Variants in NMT2 observed in about 807,000 individuals in gnomAD.
NMT2 encodes N-myristoyltransferase 2, also known as glycylpeptide N-tetradecanoyltransferase 2.
NMT2 carries 35 observed loss-of-function variants against 65.4 expected under a neutral mutation model. That is an observed-to-expected ratio of 0.54 (90% CI 0.41 to 0.71). NMT2 has a LOEUF of 0.71. NMT2 is among the 30% of genes least tolerant of loss of function. The probability of loss-of-function intolerance (pLI) is 0.00; values close to 1 mark genes in which losing one functional copy is unlikely to be tolerated. For synonymous variants in NMT2, 226 were observed against 231.8 expected (o/e 0.98, Z 0.23); for missense variants, 489 against 611.3 (o/e 0.80, Z 2.11).
Position 15,107,484 on chromosome 10 carries a change from G to A in NMT2, c.*1711C>T, listed in dbSNP as rs1279427476. 1 of 976,902 alleles carries A rather than the reference G, an allele frequency of 1.0e-6. No homozygotes were observed. 60.5% of individuals were successfully genotyped at this position (976,902 alleles called of 1,614,324 possible). On this transcript the variant is annotated 3_prime_UTR_variant, in exon 12 of 12. Transcript: ENST00000378165. ...CTTTTGTTTTTTGAGACGGAGTCTT[G>A]CACTGTCACCCAGGCTGGAGTGCAG...
chr10:15,138,709 A>G (rs903777754), intron 2 of NMT2, among the ~76,000 whole-genome samples: 3 of 152,352 alleles, frequency 2.0e-5, no homozygotes, highest in Non-Finnish European at 4.4e-5. Flanking sequence ...TGTAGACCAG[A>G]ATATTCTGCA....
chr10:15,149,239 C>T (rs528984205), intron 1 of NMT2, among the ~76,000 whole-genome samples: 38 of 142,844 alleles, frequency 2.7e-4, no homozygotes, highest in African/African-American at 8.8e-4. Flanking sequence ...ACCATCATTG[C>T]CACTGTCATC....
At chr10:15,161,097 A>AAAAAAAAAAAAAAAAC in intron 1 of NMT2, among the ~76,000 whole-genome samples, 1 of 149,596 alleles carries the variant, frequency 6.7e-6, no homozygotes, top group South Asian at 2.1e-4. Context: ...AAAAAAAAAA[A>AAAAAAAAAAAAAAAAC]AAAAAAAAAA....
At chr10:15,111,186 A>G (rs888075950) in intron 10 of NMT2, among the ~76,000 whole-genome samples, 4 of 152,106 alleles carry the variant, frequency 2.6e-5, no homozygotes, top group African/African-American at 4.8e-5. Context: ...GGCTGAAGCT[A>G]TTGCCCAGGG....
chr10:15,109,570 CA>C, intron 11 of NMT2, 131 bp downstream of exon 11: 2 of 749,732 alleles, frequency 2.7e-6, no homozygotes, highest in Non-Finnish European at 3.8e-6. Context: ...GACTTCATCT[CA>C]AAAAAATAAA....
chr10:15,130,318 A>G lies in NMT2; in HGVS notation c.720-6T>C, dbSNP rs1211853474. ...TTTCTACCATCTTCTTCACACTAAG[A>G]AATAAAGATGGTGAAGATTAAGAGT... On this transcript the variant is annotated splice_region_variant and splice_polypyrimidine_tract_variant and intron_variant, in intron 6 of 11. Coordinates refer to ENST00000378165, the MANE Select transcript of NMT2 (RefSeq NM_004808.3). 3 of 1,553,424 alleles carry G rather than the reference A, an allele frequency of 1.9e-6. No homozygotes were observed. In the African/African-American group the frequency reaches 4.1e-5, roughly 21 times the overall value.
At chr10:15,135,192 TTTG>T (rs574625256) in intron 3 of NMT2, 79 bp downstream of exon 3, 17,486 of 1,161,486 alleles carry the variant, frequency 0.015, 7 homozygotes, top group East Asian at 0.02. Flanking sequence ...CTCTTTGTGT[TTTG>T]TTGTTGTTGT....
At chr10:15,127,580 A>AAAAAAAAAAAT (rs1564568485) in intron 8 of NMT2, among the ~76,000 whole-genome samples, 1 of 71,496 alleles carries the variant, frequency 1.4e-5, no homozygotes, top group East Asian at 2.8e-4. Flanking sequence ...ATAAATAAAT[A>AAAAAAAAAAAT]AATAAATAAA....
chr10:15,141,156 G>C, intron 2 of NMT2: 2 of 915,690 alleles, frequency 2.2e-6, no homozygotes. Context: ...CTTTCTTCTA[G>C]AACGACAATC....
At chr10:15,159,674 C>T (rs1033200984) in intron 1 of NMT2, among the ~76,000 whole-genome samples, 1 of 152,126 alleles carries the variant, frequency 6.6e-6, no homozygotes, top group Non-Finnish European at 1.5e-5. Flanking sequence ...GTGATCCACC[C>T]GCCTCGGCCT....
rs1406833062 is a variant in NMT2, at chr10:15,109,131, G to T, written c.*64C>A. 1 of 1,588,312 alleles carries T rather than the reference G, an allele frequency of 6.3e-7. No individual in the cohort carries two copies. The highest frequency in any genetic ancestry group is 8.5e-7 in the Non-Finnish European group (1 of 1,172,194). ...GCTTTTATTCTTCTTTGGAATGGCA[G>T]TTCCAGAAATCATTAAATATTAACA... On this transcript the variant is annotated 3_prime_UTR_variant, in exon 12 of 12. Transcript: ENST00000378165.
rs200879621 is a variant in NMT2, at chr10:15,151,059, C to CTTTTTTTTTTTTTTTTTTTTTTTTTT, written c.111-9503_111-9502insAAAAAAAAAAAAAAAAAAAAAAAAAA. On this transcript the variant is annotated intron_variant, in intron 1 of 11. Coordinates refer to ENST00000378165, the MANE Select transcript of NMT2 (RefSeq NM_004808.3). ...TATATTCTATCTCATTAGCTTCCTC[C>CTTTTTTTTTTTTTTTTTTTTTTTTTT]TTTTTTTTTTTTTTTGGAGACGGAG... Among the ~76,000 whole-genome samples the CTTTTTTTTTTTTTTTTTTTTTTTTTT allele has an allele frequency of 5.7e-5, 8 of 139,894 alleles. 1 individual carries two copies. The highest frequency in any genetic ancestry group is 2.1e-4 in the African/African-American group (8 of 37,306). 91.8% of individuals were successfully genotyped at this position (139,894 alleles called of 152,430 possible).
At chr10:15,166,126 ACT>A (rs1833371375) in intron 1 of NMT2, among the ~76,000 whole-genome samples, 1 of 152,128 alleles carries the variant, frequency 6.6e-6, no homozygotes, top group Non-Finnish European at 1.5e-5. Context: ...GCAAAACAAG[ACT>A]CTAATTGGGT....
At chr10:15,110,264 C>CT (rs1162113050) in intron 10 of NMT2, among the ~76,000 whole-genome samples, 25 of 147,620 alleles carry the variant, frequency 1.7e-4, no homozygotes, top group East Asian at 4.0e-4. Context: ...CAGAGTGAGA[C>CT]TTTTTTTTTT....
intron 1 of NMT2, among the ~76,000 whole-genome samples, chr10:15,154,320 G>C (rs1433248218): frequency 6.6e-6 from 1 of 152,184 alleles, no homozygotes. Flanking sequence ...ATAAATAATG[G>C]TACCCTGTGT....
chr10:15,152,428 C>T (rs1832836942), intron 1 of NMT2, among the ~76,000 whole-genome samples: 1 of 152,218 alleles, frequency 6.6e-6, no homozygotes, highest in Non-Finnish European at 1.5e-5. Flanking sequence ...GAAGGGATGG[C>T]TTAAAGCTGG....
intron 1 of NMT2, chr10:15,168,292 C>A: frequency 2.5e-6 from 1 of 406,764 alleles, no homozygotes; most frequent in Non-Finnish European, 4.4e-6. Context: ...CCCAGCCTCC[C>A]CGCCCACCCC....
At chr10:15,144,971 C>CA (rs1466637164) in intron 1 of NMT2, among the ~76,000 whole-genome samples, 1 of 152,150 alleles carries the variant, frequency 6.6e-6, no homozygotes, top group Non-Finnish European at 1.5e-5. Context: ...CAGCATCATT[C>CA]ATAACAGCCC....
intron 1 of NMT2, among the ~76,000 whole-genome samples, chr10:15,165,328 C>T (rs1833342402): frequency 6.6e-6 from 1 of 152,148 alleles, no homozygotes; most frequent in African/African-American, 2.4e-5. Context: ...CTCCTTCAAG[C>T]TCTTTATAAA....
Sources: gnomAD v4.1 joint callset for allele counts (sites outside exome capture counted in the v4.1 genomes callset) on GRCh38, gnomAD v4.1.1 for gene constraint, MANE v1.5 for transcripts, NCBI Gene and HGNC (gene_info 2026-07-23, HGNC 2026-07-21) for gene names.